Variants in ERI1 observed in about 807,000 individuals in gnomAD.
The protein encoded by ERI1 is 3'-5' exoribonuclease 1.
Under a neutral mutation model 39.7 loss-of-function variants are expected in ERI1, and 39 were observed. The observed-to-expected ratio is 0.98, with a 90% CI of 0.76 to 1.28. The LOEUF is 1.28. Ranked by LOEUF, ERI1 falls within the 50% of genes most tolerant of loss-of-function variation. The pLI is 0.00. For missense variants in ERI1, 581 were observed against 416.9 expected (o/e 1.39, Z -3.43); for synonymous variants, 204 against 149.6 (o/e 1.36, Z -2.65).
rs1446854219 is a variant in ERI1 at position 9,084,824 on chromosome 8, C to G, written n.300-31524C>G. Reference sequence around the variant, plus strand: ...TGGACTGATACAAAAGCTGATCATTCTAACCTTCTGAAGAAGCTGAAGTGG... The same window carrying G: ...TGGACTGATACAAAAGCTGATCATTGTAACCTTCTGAAGAAGCTGAAGTGG... On this transcript the variant is annotated intron_variant and non_coding_transcript_variant, in intron 3 of 3. Coordinates refer to the ERI1 transcript ENST00000518663. Among the ~76,000 whole-genome samples, 3 of 151,508 alleles carry G rather than the reference C, an allele frequency of 2.0e-5. No individual in the cohort carries two copies. The East Asian group carries it at 5.9e-4, about 30-fold the overall frequency.
intron 4 of ERI1, among the ~76,000 whole-genome samples, chr8:9,016,876 C>G (rs1040287473): frequency 6.6e-6 from 1 of 151,730 alleles, no homozygotes; most frequent in Non-Finnish European, 1.5e-5. Context: ...TAGTAGAGAC[C>G]TGGTTTCGCC....
At chr8:9,062,624 C>A (rs1037994779) in intron 3 of ERI1, 1 of 112,486 alleles carries the variant, frequency 8.9e-6, no homozygotes, top group African/African-American at 2.6e-5. Flanking sequence ...ACGGACTTAA[C>A]CTCCACTGTG....
At chr8:9,064,941 G>A (rs1430515132) in intron 3 of ERI1, among the ~76,000 whole-genome samples, 3 of 152,178 alleles carry the variant, frequency 2.0e-5, no homozygotes, top group Non-Finnish European at 4.4e-5. Context: ...ATTTGGGTAA[G>A]TAAAGGAAAA....
chr8:9,087,496 T>G (rs545734648), intron 3 of ERI1, among the ~76,000 whole-genome samples: 2 of 150,958 alleles, frequency 1.3e-5, no homozygotes, highest in African/African-American at 4.9e-5. Context: ...CTCCTGACCT[T>G]AGGCCCACCT....
At chr8:9,010,909 A>T (rs1427766340) in intron 2 of ERI1, among the ~76,000 whole-genome samples, 1 of 152,180 alleles carries the variant, frequency 6.6e-6, no homozygotes, top group African/African-American at 2.4e-5. Context: ...TAAGAAACTT[A>T]TTTCTAGTTA....
intron 3 of ERI1, among the ~76,000 whole-genome samples, chr8:9,085,435 C>G (rs1420789685): frequency 6.6e-6 from 1 of 152,084 alleles, no homozygotes; most frequent in Non-Finnish European, 1.5e-5. Flanking sequence ...TCTTGAACCC[C>G]TGACCTCAAG....
chr8:9,028,678 C>A (rs1563335791), intron 6 of ERI1, among the ~76,000 whole-genome samples: 1 of 152,014 alleles, frequency 6.6e-6, no homozygotes, highest in South Asian at 2.1e-4. Context: ...GGCTGGAGTG[C>A]AGTGGAGTGA....
downstream of ERI1, among the ~76,000 whole-genome samples, chr8:9,037,891 TA>T (rs33912518): frequency 0.3 from 43,808 of 145,496 alleles, 6,975 homozygotes; most frequent in African/African-American, 0.38. Flanking sequence ...ATTGCTGATT[TA>T]AAAAAAAAAA....
chr8:9,049,283 C>T (rs1458222366), intron 3 of ERI1, among the ~76,000 whole-genome samples: 2 of 129,622 alleles, frequency 1.5e-5, no homozygotes, highest in East Asian at 4.7e-4. Context: ...TTGCAGTGAG[C>T]CGAGAGCACG....
In ERI1 at chr8:9,087,026, T is replaced by G. The variant is rs540205810; in HGVS notation, n.300-29322T>G. Among the ~76,000 whole-genome samples, 34 of 150,850 alleles carry G rather than the reference T, an allele frequency of 2.3e-4. 1 individual carries two copies. The South Asian group carries it at 6.9e-3, about 31-fold the overall frequency. On this transcript the variant is annotated intron_variant and non_coding_transcript_variant, in intron 3 of 3. Transcript: ENST00000518663. ...CCTCCTTCTCACCTTCTCATCTTAT[T>G]TTTTTTTTAAGTTTTTTGAATTTTA...
intron 3 of ERI1, among the ~76,000 whole-genome samples, chr8:9,052,591 A>C (rs1426484845): frequency 6.6e-6 from 1 of 152,238 alleles, no homozygotes; most frequent in Admixed American, 6.5e-5. Context: ...CATCTTTTGC[A>C]CACAGAACTG....
intron 2 of ERI1, among the ~76,000 whole-genome samples, chr8:9,011,206 C>T (rs1047066560): frequency 1.3e-5 from 2 of 152,126 alleles, no homozygotes; most frequent in South Asian, 4.1e-4. Flanking sequence ...TATATGTTAT[C>T]TTAGTATATA....
At chr8:9,009,007 T>G (rs540972538) in intron 2 of ERI1, 1 of 456,262 alleles carries the variant, frequency 2.2e-6, no homozygotes, top group Admixed American at 2.3e-5. Context: ...TGACTCCTAT[T>G]TCCCCGATTC....
chr8:9,070,697 C>G (rs1221089288), intron 3 of ERI1, among the ~76,000 whole-genome samples: 1 of 152,200 alleles, frequency 6.6e-6, no homozygotes, highest in Admixed American at 6.5e-5. Flanking sequence ...TCCATCCTTG[C>G]AAATGCACAC....
Position 9,008,097 on chromosome 8 carries a change from T to A in ERI1, c.236T>A (p.Met79Lys). The A allele has an allele frequency of 1.2e-6, 2 of 1,611,812 alleles. No homozygotes were observed. Among genetic ancestry groups the A allele is most frequent in the Non-Finnish European group, 1.7e-6 (2 of 1,179,150 alleles). The change falls in exon 2 of 7, where the codon ATG (methionine) becomes AAG (lysine). Residue 79 changes from methionine to lysine, a missense_variant. Met to Lys is a moderately conservative substitution (Grantham distance 95). Coordinates refer to ENST00000250263, the MANE Select transcript of ERI1 (RefSeq NM_153332.4). ...ATTACGAATGGCTGTATTAATAGAA[T>A]GAGTAAGGAAGAACTCAGAGCTAAG... The part of the protein sequence containing the change: ...IAITNGCINR[M>K]SKEELRAKLS...
rs1325023473 is a variant in ERI1, at chr8:9,030,210, GAA to G, written c.*177_*178del. 76 of 800,926 alleles carry G rather than the reference GAA, an allele frequency of 9.5e-5. No individual in the cohort carries two copies. The highest frequency in any genetic ancestry group is 1.1e-4 in the Non-Finnish European group (58 of 524,360). 49.6% of individuals were successfully genotyped at this position (800,926 alleles called of 1,614,324 possible). A position where few individuals can be genotyped will look rare whatever the true frequency, so the allele number is the denominator to read the frequency against. ...AACAGATTTTGTAGGAAGGCATACT[GAA>G]TTCTTTGTCACCAGCACTTTTGATA... On this transcript the variant is annotated 3_prime_UTR_variant, in exon 7 of 7. Transcript: ENST00000250263.
intron 5 of ERI1, 68 bp downstream of exon 5, chr8:9,018,474 GA>G (rs1817535645): frequency 1.1e-6 from 1 of 888,632 alleles, no homozygotes; most frequent in Non-Finnish European, 1.7e-6. Context: ...TTATTTATCT[GA>G]TTTTTAGAAT....
intron 3 of ERI1, among the ~76,000 whole-genome samples, chr8:9,014,178 C>T (rs567479001): frequency 6.6e-6 from 1 of 152,150 alleles, no homozygotes; most frequent in South Asian, 2.1e-4. Context: ...CATTCCACTC[C>T]AGGCATACTG....
intron 4 of ERI1, among the ~76,000 whole-genome samples, chr8:9,017,153 C>A (rs1817388801): frequency 6.6e-6 from 1 of 152,178 alleles, no homozygotes; most frequent in African/African-American, 2.4e-5. Flanking sequence ...GATTCTCCTG[C>A]CTCAGCCTCC....
Sources: allele counts gnomAD v4.1 joint callset (sites outside exome capture counted in the v4.1 genomes callset), GRCh38; gene constraint gnomAD v4.1.1; transcripts MANE v1.5; gene names NCBI Gene and HGNC (gene_info 2026-07-23, HGNC 2026-07-21).